The following SOX5 variants were observed in gnomAD, a reference collection of about 807,000 sequenced individuals.
The protein encoded by SOX5 is transcription factor SOX-5.
A neutral mutation model predicts 92.0 loss-of-function variants in SOX5; 9 were observed. That is an observed-to-expected ratio of 0.10 (90% CI 0.06 to 0.17). The LOEUF (loss-of-function observed/expected upper bound fraction) is 0.17, where lower values mean the gene tolerates loss of function less well. Among genes scored for constraint, SOX5 ranks in the 10% least tolerant of loss-of-function variants. The pLI, the probability that SOX5 is intolerant of heterozygous loss-of-function variation, is 1.00. For synonymous variants in SOX5, 344 were observed against 336.3 expected (o/e 1.02, Z -0.25); for missense variants, 642 against 944.5 (o/e 0.68, Z 4.20).
At chr12:23,588,702 T>A (rs936144126) in intron 9 of SOX5, among the ~76,000 whole-genome samples, 1 of 145,266 alleles carries the variant, frequency 6.9e-6, no homozygotes, top group African/African-American at 2.5e-5. Context: ...TATTCTTGAT[T>A]ATTGTAGTAT....
chr12:23,742,556 A>G (rs2093835665), intron 4 of SOX5, among the ~76,000 whole-genome samples: 1 of 152,234 alleles, frequency 6.6e-6, no homozygotes, highest in Non-Finnish European at 1.5e-5. Flanking sequence ...AAATATTCAT[A>G]TGCTAGCAAG....
intron 2 of SOX5, among the ~76,000 whole-genome samples, chr12:24,298,710 T>A (rs1015993273): frequency 1.3e-5 from 2 of 150,474 alleles, no homozygotes; most frequent in East Asian, 3.9e-4. Context: ...AGAACTTGCA[T>A]TTATGTACTT....
intron 4 of SOX5, among the ~76,000 whole-genome samples, chr12:24,185,378 C>G (rs1955911896): frequency 6.6e-6 from 1 of 152,088 alleles, no homozygotes; most frequent in African/African-American, 2.4e-5. Context: ...ACACTGCTAA[C>G]CTCCCAAGCT....
chr12:24,417,574 C>A (rs1220573822), intron 1 of SOX5, among the ~76,000 whole-genome samples: 1 of 152,080 alleles, frequency 6.6e-6, no homozygotes, highest in Non-Finnish European at 1.5e-5. Context: ...AAGTAGAATT[C>A]CCAAAAGGTG....
At chr12:23,876,039 T>A (rs572627969) in intron 2 of SOX5, among the ~76,000 whole-genome samples, 1 of 152,326 alleles carries the variant, frequency 6.6e-6, no homozygotes, top group Non-Finnish European at 1.5e-5. Flanking sequence ...TCCAGCAAGT[T>A]GTAGTTTGTT....
chr12:23,773,983 T>C (rs1280817604), intron 3 of SOX5, among the ~76,000 whole-genome samples: 2 of 149,468 alleles, frequency 1.3e-5, no homozygotes, highest in African/African-American at 5.0e-5. Flanking sequence ...GACAAGCAGA[T>C]GTAGGCAAGG....
At chr12:24,500,405 C>G (rs556615766) in intron 1 of SOX5, among the ~76,000 whole-genome samples, 1 of 151,846 alleles carries the variant, frequency 6.6e-6, no homozygotes, top group African/African-American at 2.4e-5. Flanking sequence ...TCCCAGATAA[C>G]AGAATTGAAA....
chr12:24,472,052 G>T (rs182617430), intron 1 of SOX5, among the ~76,000 whole-genome samples: 94 of 152,294 alleles, frequency 6.2e-4, no homozygotes, highest in African/African-American at 2.1e-3. Context: ...CAGCGTTTTT[G>T]ATCACACTAA....
At chr12:24,335,047 T>C (rs1017986479) in intron 2 of SOX5, among the ~76,000 whole-genome samples, 1 of 152,026 alleles carries the variant, frequency 6.6e-6, no homozygotes, top group African/African-American at 2.4e-5. Context: ...TCTTTCACCC[T>C]AAAAAAAATC....
intron 2 of SOX5, among the ~76,000 whole-genome samples, chr12:23,888,214 T>C (rs1377286734): frequency 6.6e-6 from 1 of 152,180 alleles, no homozygotes. Context: ...GAGTTGAATC[T>C]TTCTGCAGCA....
intron 10 of SOX5, among the ~76,000 whole-genome samples, chr12:23,573,125 CT>C (rs1452432942): frequency 1.3e-5 from 2 of 152,192 alleles, no homozygotes; most frequent in African/African-American, 4.8e-5. Flanking sequence ...CTATACATGT[CT>C]TTTGCACTTT....
chr12:23,949,898 C>A (rs974060322), upstream of SOX5, among the ~76,000 whole-genome samples: 2 of 151,322 alleles, frequency 1.3e-5, no homozygotes, highest in Admixed American at 6.6e-5. Flanking sequence ...CCCCCCTCCG[C>A]GGAGCCACAC....
chr12:24,242,597 G>T (rs1395670319), intron 3 of SOX5, among the ~76,000 whole-genome samples: 2 of 151,342 alleles, frequency 1.3e-5, no homozygotes, highest in African/African-American at 4.9e-5. Flanking sequence ...TTCCAAACAC[G>T]TATAGTCACT....
intron 3 of SOX5, among the ~76,000 whole-genome samples, chr12:23,777,565 CAT>C (rs1411440522): frequency 6.6e-6 from 1 of 152,080 alleles, no homozygotes; most frequent in Non-Finnish European, 1.5e-5. Context: ...TCAGTAAACA[CAT>C]ACACACACAA....
intron 1 of SOX5, among the ~76,000 whole-genome samples, chr12:23,916,617 C>A (rs926003897): frequency 3.3e-5 from 5 of 152,092 alleles, no homozygotes; most frequent in Admixed American, 2.6e-4. Context: ...CAATAAAGAA[C>A]TATAATCTAA....
intron 6 of SOX5, among the ~76,000 whole-genome samples, chr12:23,691,269 A>G (rs1320407707): frequency 6.6e-6 from 1 of 152,112 alleles, no homozygotes; most frequent in Non-Finnish European, 1.5e-5. Flanking sequence ...TTCTTACGTC[A>G]CACTATTATT....
rs752867871 is a variant in SOX5 at position 24,474,143 on chromosome 12, T to G, written c.-251+88186A>C. On this transcript the variant is annotated intron_variant, in intron 1 of 4. Transcript: ENST00000446891. ...GCATCAACTAGATATAAGAGAAAGT[T>G]ATCTGTTCTGAAGAATCATTTTAAA... Among the ~76,000 whole-genome samples the G allele has an allele frequency of 3.3e-5, 5 of 152,344 alleles. No homozygotes were observed. The South Asian group carries it at 8.3e-4, about 25-fold the overall frequency.
upstream of SOX5, among the ~76,000 whole-genome samples, chr12:23,952,297 T>A (rs922853717): frequency 6.6e-6 from 1 of 152,174 alleles, no homozygotes; most frequent in Non-Finnish European, 1.5e-5. Flanking sequence ...TAAGGCAGGA[T>A]GCTGAGATCC....
intron 11 of SOX5, among the ~76,000 whole-genome samples, chr12:23,560,017 C>A (rs1344657912): frequency 5.9e-5 from 9 of 152,132 alleles, no homozygotes; most frequent in Admixed American, 5.9e-4. Context: ...TCAAGCTATT[C>A]TCCTGCCTCA....
Sources: allele counts gnomAD v4.1 joint callset (sites outside exome capture counted in the v4.1 genomes callset), GRCh38; gene constraint gnomAD v4.1.1; transcripts MANE v1.5; gene names NCBI Gene and HGNC (gene_info 2026-07-23, HGNC 2026-07-21).